The following GABRB1 variants were observed in gnomAD, a reference collection of about 807,000 sequenced individuals.
The protein encoded by GABRB1 is gamma-aminobutyric acid type A receptor subunit beta1.
GABRB1 carries 17 observed loss-of-function variants against 51.6 expected under a neutral mutation model. The observed-to-expected ratio is 0.33, with a 90% confidence interval of 0.23 to 0.49. GABRB1 has a LOEUF of 0.49. Ranked by LOEUF, GABRB1 falls within the 20% of genes least tolerant of loss-of-function variation. GABRB1 has a pLI of 0.99. For missense variants in GABRB1, 410 were observed against 600.6 expected (o/e 0.68, Z 3.32); for synonymous variants, 247 against 218.9 (o/e 1.13, Z -1.14).
At chr4:47,400,479 A>G (rs1395809112) in intron 5 of GABRB1, among the ~76,000 whole-genome samples, 2 of 151,834 alleles carry the variant, frequency 1.3e-5, no homozygotes, top group Admixed American at 6.6e-5. Context: ...ACAAAGTTGT[A>G]GATGGAAAGC....
At position 47,312,106 on chromosome 4, in the gene GABRB1, C is replaced by T. The variant is rs1724711458; in HGVS notation, c.462-8021C>T. On this transcript the variant is annotated intron_variant, in intron 4 of 8. Transcript: ENST00000295454. Reference sequence around the variant, plus strand: ...ACAGGCATGCTTGGTGTGTATCAGGCTTTGTTTGAGTAAATACAGAAAATG... The same window carrying T: ...ACAGGCATGCTTGGTGTGTATCAGGTTTTGTTTGAGTAAATACAGAAAATG... Among the ~76,000 whole-genome samples the T allele has an allele frequency of 2.0e-5, 3 of 151,400 alleles. No individual in the cohort carries two copies. The South Asian group carries it at 6.2e-4, about 32-fold the overall frequency.
intron 8 of GABRB1, among the ~76,000 whole-genome samples, chr4:47,412,640 G>A (rs1728796917): frequency 6.6e-6 from 1 of 152,084 alleles, no homozygotes; most frequent in Non-Finnish European, 1.5e-5. Flanking sequence ...TCAACGCCAA[G>A]GAAATCAAGG....
intron 1 of GABRB1, among the ~76,000 whole-genome samples, chr4:47,016,355 CT>C (rs1217075452): frequency 6.6e-6 from 1 of 152,078 alleles, no homozygotes; most frequent in Non-Finnish European, 1.5e-5. Context: ...TTATCTTTTT[CT>C]TTCCTGTCAT....
intron 3 of GABRB1, among the ~76,000 whole-genome samples, chr4:47,141,371 A>G (rs184933262): frequency 1.3e-3 from 205 of 152,032 alleles, no homozygotes; most frequent in Non-Finnish European, 2.3e-3. Flanking sequence ...ACATAATTAT[A>G]ATTTCTTTAT....
intron 1 of GABRB1, among the ~76,000 whole-genome samples, chr4:46,999,678 A>G (rs535057677): frequency 6.6e-6 from 1 of 152,340 alleles, no homozygotes; most frequent in South Asian, 2.1e-4. Context: ...GAAATTGTTT[A>G]GTTTACAAGA....
chr4:47,228,231 AATG>A (rs1414145067), intron 4 of GABRB1, among the ~76,000 whole-genome samples: 2 of 152,170 alleles, frequency 1.3e-5, no homozygotes, highest in African/African-American at 4.8e-5. Context: ...ATGAGTGAGA[AATG>A]ATATGATTTA....
intron 3 of GABRB1, among the ~76,000 whole-genome samples, chr4:47,115,642 T>C (rs1715445340): frequency 6.6e-6 from 1 of 152,100 alleles, no homozygotes; most frequent in Non-Finnish European, 1.5e-5. Flanking sequence ...AAAGCTCTTC[T>C]GCTTTTTTAA....
intron 4 of GABRB1, among the ~76,000 whole-genome samples, chr4:47,229,128 A>T (rs1721051565): frequency 6.6e-6 from 1 of 152,144 alleles, no homozygotes; most frequent in Non-Finnish European, 1.5e-5. Flanking sequence ...CCTAATCACT[A>T]TGCTGAGCTC....
intron 5 of GABRB1, among the ~76,000 whole-genome samples, chr4:47,361,848 CT>C (rs1034849813): frequency 5.9e-5 from 9 of 152,064 alleles, no homozygotes; most frequent in Non-Finnish European, 8.8e-5. Flanking sequence ...CTTGAGGTGG[CT>C]TTAAGTCATC....
intron 4 of GABRB1, among the ~76,000 whole-genome samples, chr4:47,291,420 G>A (rs1361156635): frequency 1.3e-5 from 2 of 152,150 alleles, no homozygotes; most frequent in Non-Finnish European, 2.9e-5. Context: ...AGGGAAATGT[G>A]GTGTCGGAGC....
rs147582721 is a variant in GABRB1 at position 47,250,884 on chromosome 4, G to A, written c.462-69243G>A. Among the ~76,000 whole-genome samples, 319 of 152,100 alleles carry A rather than the reference G, an allele frequency of 2.1e-3. 1 individual carries two copies. Among genetic ancestry groups the A allele is most frequent in the Middle Eastern group, 6.8e-3 (2 of 294 alleles). On this transcript the variant is annotated intron_variant, in intron 4 of 8. Transcript: ENST00000295454. The stretch of plus-strand genomic sequence containing the variant: ...TTTTGTGTATTTCCCCTTGCATTGC[G>A]CTTCACATTTCTCTGGTGCCTCCCT...
intron 5 of GABRB1, among the ~76,000 whole-genome samples, chr4:47,328,754 C>A (rs1725348860): frequency 6.6e-6 from 1 of 151,716 alleles, no homozygotes; most frequent in South Asian, 2.1e-4. Flanking sequence ...ACATCATACA[C>A]TGGGGCCTGT....
chr4:47,111,499 G>A (rs1340414189), intron 3 of GABRB1, among the ~76,000 whole-genome samples: 1 of 152,108 alleles, frequency 6.6e-6, no homozygotes, highest in African/African-American at 2.4e-5. Flanking sequence ...ACAGAGGACA[G>A]TAGAATTTTA....
intron 8 of GABRB1, among the ~76,000 whole-genome samples, chr4:47,415,013 C>T (rs559666991): frequency 1.3e-5 from 2 of 152,168 alleles, no homozygotes; most frequent in Non-Finnish European, 2.9e-5. Context: ...TTTCTTTATT[C>T]CTCAAACCCC....
At chr4:47,304,029 C>T (rs993899602) in intron 4 of GABRB1, among the ~76,000 whole-genome samples, 3 of 152,008 alleles carry the variant, frequency 2.0e-5, no homozygotes, top group Non-Finnish European at 4.4e-5. Context: ...CACTGTGTAT[C>T]TGTACACCAT....
intron 5 of GABRB1, among the ~76,000 whole-genome samples, chr4:47,336,079 C>T (rs1308762906): frequency 6.6e-6 from 1 of 152,118 alleles, no homozygotes; most frequent in African/African-American, 2.4e-5. Context: ...ATGCCATCGA[C>T]CAAGTGGAAG....
intron 4 of GABRB1, among the ~76,000 whole-genome samples, chr4:47,165,777 C>T (rs1210295347): frequency 6.6e-6 from 1 of 152,082 alleles, no homozygotes; most frequent in African/African-American, 2.4e-5. Flanking sequence ...TTTGGATTGC[C>T]TGCCAGCTCC....
intron 3 of GABRB1, among the ~76,000 whole-genome samples, chr4:47,045,839 A>C (rs1726059699): frequency 6.6e-6 from 1 of 152,068 alleles, no homozygotes. Context: ...TATAGCAATC[A>C]TTATCATCAT....
chr4:47,317,670 G>A (rs540284149), intron 4 of GABRB1, among the ~76,000 whole-genome samples: 2 of 151,804 alleles, frequency 1.3e-5, no homozygotes, highest in Non-Finnish European at 2.9e-5. Context: ...GGCTTCAAAA[G>A]GTATGTGAAA....
Sources: allele counts gnomAD v4.1 joint callset (sites outside exome capture counted in the v4.1 genomes callset), GRCh38; gene constraint gnomAD v4.1.1; transcripts MANE v1.5; gene names NCBI Gene and HGNC (gene_info 2026-07-23, HGNC 2026-07-21).